Variants in MACROD2 observed in about 807,000 individuals in gnomAD.
MACROD2 encodes the protein mono-ADP ribosylhydrolase 2, also known as ADP-ribose glycohydrolase MACROD2.
In MACROD2, 36 loss-of-function variants were observed where a neutral mutation model predicts 70.4. That is an observed-to-expected ratio of 0.51 (90% CI 0.39 to 0.68). The LOEUF (loss-of-function observed/expected upper bound fraction) is 0.68. MACROD2 is among the 30% of genes least tolerant of loss of function. The probability of loss-of-function intolerance (pLI) is 0.00; values close to 1 mark genes in which losing one functional copy is unlikely to be tolerated. For missense variants in MACROD2, 496 were observed against 538.4 expected, an observed-to-expected ratio of 0.92 and a Z score of 0.78; for synonymous variants, 172 against 178.8, an observed-to-expected ratio of 0.96 and a Z score of 0.30.
intron 3 of MACROD2, among the ~76,000 whole-genome samples, chr20:14,379,577 T>C (rs548356625): frequency 7.2e-5 from 11 of 152,244 alleles, no homozygotes; most frequent in African/African-American, 2.6e-4. Flanking sequence ...TTAGCACAAA[T>C]AGAAACCCTG....
At chr20:14,201,469 C>G (rs1388681898) in intron 3 of MACROD2, among the ~76,000 whole-genome samples, 2 of 152,168 alleles carry the variant, frequency 1.3e-5, no homozygotes, top group Non-Finnish European at 2.9e-5. Flanking sequence ...AAACTAGAAT[C>G]TAGCCTTCCT....
At chr20:14,785,602 A>G (rs539770743) in intron 5 of MACROD2, among the ~76,000 whole-genome samples, 2 of 152,180 alleles carry the variant, frequency 1.3e-5, no homozygotes, top group South Asian at 2.1e-4. Flanking sequence ...AGCCCAAACA[A>G]TGATACACAG....
chr20:14,323,009 T>A (rs762469904), intron 3 of MACROD2: 8 of 152,160 alleles, frequency 5.3e-5, no homozygotes, highest in Non-Finnish European at 1.2e-4. Flanking sequence ...TGTGTTTAAT[T>A]CTCTCATTCA....
At chr20:15,980,584 T>G (rs1338255736) in intron 13 of MACROD2, among the ~76,000 whole-genome samples, 1 of 152,218 alleles carries the variant, frequency 6.6e-6, no homozygotes, top group East Asian at 1.9e-4. Flanking sequence ...ATAAGAGTTT[T>G]AAGTCCTCTT....
At chr20:15,585,511 A>G (rs909334653) in intron 8 of MACROD2, among the ~76,000 whole-genome samples, 6 of 151,856 alleles carry the variant, frequency 4.0e-5, no homozygotes, top group African/African-American at 1.5e-4. Flanking sequence ...CGTCCTTTTT[A>G]CCAAGTGCAG....
intron 10 of MACROD2, among the ~76,000 whole-genome samples, chr20:15,911,591 G>A (rs2065238396): frequency 6.6e-6 from 1 of 152,204 alleles, no homozygotes; most frequent in African/African-American, 2.4e-5. Flanking sequence ...AAATGTGAAG[G>A]ATAGGCAAGA....
intron 4 of MACROD2, among the ~76,000 whole-genome samples, chr20:14,509,588 C>G (rs2085006961): frequency 6.6e-6 from 1 of 151,862 alleles, no homozygotes; most frequent in Non-Finnish European, 1.5e-5. Context: ...TTCATACCAG[C>G]TGTTTGATAT....
chr20:15,115,622 T>A (rs1305373318), intron 5 of MACROD2, among the ~76,000 whole-genome samples: 3 of 152,200 alleles, frequency 2.0e-5, no homozygotes, highest in Non-Finnish European at 4.4e-5. Context: ...ATCAGAATCC[T>A]GATTCTAAAG....
chr20:14,253,754 G>T (rs2082030734), intron 3 of MACROD2, among the ~76,000 whole-genome samples: 1 of 152,028 alleles, frequency 6.6e-6, no homozygotes, highest in South Asian at 2.1e-4. Flanking sequence ...TGAGTCAAAG[G>T]ATGAGTACAT....
At chr20:15,194,488 C>T (rs897278092) in intron 5 of MACROD2, among the ~76,000 whole-genome samples, 8 of 152,034 alleles carry the variant, frequency 5.3e-5, no homozygotes, top group South Asian at 2.1e-4. Context: ...GTAAAAATAA[C>T]GCAAACAATT....
chr20:15,722,173 C>T (rs2050796119), intron 8 of MACROD2, among the ~76,000 whole-genome samples: 1 of 152,086 alleles, frequency 6.6e-6, no homozygotes, highest in Non-Finnish European at 1.5e-5. Flanking sequence ...CAGTTTAGGG[C>T]TCTTAACTGG....
At chr20:14,963,356 C>T (rs1423000003) in intron 5 of MACROD2, among the ~76,000 whole-genome samples, 1 of 152,122 alleles carries the variant, frequency 6.6e-6, no homozygotes, top group Non-Finnish European at 1.5e-5. Flanking sequence ...AATTCTATTA[C>T]TCAGGGGAAG....
intron 6 of MACROD2, among the ~76,000 whole-genome samples, chr20:15,338,526 C>T (rs2078073780): frequency 6.6e-6 from 1 of 151,516 alleles, no homozygotes. Flanking sequence ...TAACCTAAAA[C>T]AGGATGCTAA....
intron 5 of MACROD2, among the ~76,000 whole-genome samples, chr20:15,098,968 G>GT (rs1431222093): frequency 6.6e-6 from 1 of 152,208 alleles, no homozygotes; most frequent in Non-Finnish European, 1.5e-5. Flanking sequence ...AGACTTACAA[G>GT]TTTGCCAGCA....
intron 8 of MACROD2, among the ~76,000 whole-genome samples, chr20:15,766,975 T>A (rs2051538162): frequency 6.6e-6 from 1 of 152,198 alleles, no homozygotes; most frequent in African/African-American, 2.4e-5. Flanking sequence ...CGTGTAAGAT[T>A]TGCTATCGTC....
intron 4 of MACROD2, among the ~76,000 whole-genome samples, chr20:14,510,689 ACTCT>A (rs372584851): frequency 5.9e-5 from 9 of 151,882 alleles, no homozygotes; most frequent in African/African-American, 2.2e-4. Context: ...TCTTCATCTG[ACTCT>A]CTATTCTTGT....
At chr20:15,331,049 C>T (rs1435374119) in intron 6 of MACROD2, among the ~76,000 whole-genome samples, 1 of 151,064 alleles carries the variant, frequency 6.6e-6, no homozygotes, top group Non-Finnish European at 1.5e-5. Flanking sequence ...GTGACATCTT[C>T]TTAATATGAA....
intron 5 of MACROD2, among the ~76,000 whole-genome samples, chr20:15,062,280 A>G (rs907860127): frequency 9.2e-5 from 14 of 152,210 alleles, no homozygotes; most frequent in Admixed American, 7.2e-4. Context: ...TTTAACAAAA[A>G]TACAATATGC....
intron 3 of MACROD2, among the ~76,000 whole-genome samples, chr20:14,438,912 G>A (rs1402570502): frequency 6.7e-6 from 1 of 148,868 alleles, no homozygotes; most frequent in Non-Finnish European, 1.5e-5. Flanking sequence ...TAAGTTTGAT[G>A]TAGTCCCATT....
Sources: allele counts gnomAD v4.1 joint callset (sites outside exome capture counted in the v4.1 genomes callset), GRCh38; gene constraint gnomAD v4.1.1; transcripts MANE v1.5; gene names NCBI Gene and HGNC (gene_info 2026-07-23, HGNC 2026-07-21).